The following RFX3 variants were observed in gnomAD, a reference collection of about 807,000 sequenced individuals.
RFX3 encodes transcription factor RFX3.
RFX3 carries 14 observed loss-of-function variants against 98.6 expected under a neutral mutation model. That is an observed-to-expected ratio of 0.14 (90% CI 0.09 to 0.22). The LOEUF is 0.22. Ranked by LOEUF, RFX3 falls within the 10% of genes least tolerant of loss-of-function variation. The pLI is 1.00. For missense variants in RFX3, 639 were observed against 926.9 expected (o/e 0.69, Z 4.03); for synonymous variants, 383 against 328.4 (o/e 1.17, Z -1.80).
chr9:3,437,744 C>A (rs1845273108), intron 1 of RFX3, among the ~76,000 whole-genome samples: 1 of 151,982 alleles, frequency 6.6e-6, no homozygotes, highest in Non-Finnish European at 1.5e-5. Context: ...TATTCAAGCC[C>A]AACCCTATCT....
intron 6 of RFX3, among the ~76,000 whole-genome samples, chr9:3,289,941 T>TA (rs1185060757): frequency 3.3e-5 from 5 of 151,850 alleles, no homozygotes; most frequent in Admixed American, 6.6e-5. Context: ...TAGTTCATTT[T>TA]AAAAAAAAGT....
chr9:3,329,407 CAAAAAAAAAAA>C (rs1202028884), intron 4 of RFX3, among the ~76,000 whole-genome samples: 2 of 38,166 alleles, frequency 5.2e-5, no homozygotes, highest in Non-Finnish European at 9.4e-5. Flanking sequence ...GACTTCATCT[CAAAAAAAAAAA>C]AAAAAAAAAA....
At chr9:3,457,451 C>T (rs1213981529) in intron 1 of RFX3, among the ~76,000 whole-genome samples, 1 of 152,182 alleles carries the variant, frequency 6.6e-6, no homozygotes, top group Non-Finnish European at 1.5e-5. Flanking sequence ...GTCTTCTTTA[C>T]TCAATTTGAG....
intron 1 of RFX3, among the ~76,000 whole-genome samples, chr9:3,424,977 C>G (rs534940333): frequency 1.3e-5 from 2 of 152,102 alleles, no homozygotes; most frequent in Non-Finnish European, 2.9e-5. Context: ...TACCTGTAAT[C>G]CCAGCACTTT....
chr9:3,266,526 T>A (rs1337189769), intron 11 of RFX3, among the ~76,000 whole-genome samples: 1 of 152,044 alleles, frequency 6.6e-6, no homozygotes, highest in African/African-American at 2.4e-5. Flanking sequence ...TCCCAGATAC[T>A]TATGACGCTT....
intron 1 of RFX3, among the ~76,000 whole-genome samples, chr9:3,509,672 AG>A (rs1441299984): frequency 1.3e-5 from 2 of 152,012 alleles, no homozygotes; most frequent in African/African-American, 4.8e-5. Flanking sequence ...TAGAACATTA[AG>A]GTATTTATGC....
intron 1 of RFX3, among the ~76,000 whole-genome samples, chr9:3,503,163 G>A (rs1287619704): frequency 6.6e-6 from 1 of 151,962 alleles, no homozygotes; most frequent in Non-Finnish European, 1.5e-5. Context: ...AACAGACTCT[G>A]GCCCACAGCT....
chr9:3,497,686 C>T (rs373958954), intron 1 of RFX3, among the ~76,000 whole-genome samples: 4 of 150,460 alleles, frequency 2.7e-5, no homozygotes, highest in African/African-American at 9.9e-5. Flanking sequence ...CACTGACAAA[C>T]ATCTCTACCT....
intron 15 of RFX3, among the ~76,000 whole-genome samples, chr9:3,236,757 T>C (rs946538058): frequency 6.6e-6 from 1 of 152,176 alleles, no homozygotes; most frequent in Non-Finnish European, 1.5e-5. Context: ...AGTCCACATA[T>C]GTGAAAATGT....
intron 4 of RFX3, among the ~76,000 whole-genome samples, chr9:3,326,881 T>C (rs1292850340): frequency 6.6e-6 from 1 of 152,158 alleles, no homozygotes; most frequent in African/African-American, 2.4e-5. Flanking sequence ...TGACTATGCA[T>C]TACACTTACT....
At chr9:3,525,322 T>C (rs1819155229) in intron 1 of RFX3, among the ~76,000 whole-genome samples, 1 of 152,118 alleles carries the variant, frequency 6.6e-6, no homozygotes, top group Non-Finnish European at 1.5e-5. Flanking sequence ...AACAGCAGCG[T>C]TGGAAAAGAA....
At chr9:3,504,914 A>G (rs1456148969) in intron 1 of RFX3, among the ~76,000 whole-genome samples, 1 of 68,928 alleles carries the variant, frequency 1.5e-5, no homozygotes, top group African/African-American at 8.1e-5. Flanking sequence ...ATATATATAT[A>G]ATATAACATA....
intron 4 of RFX3, among the ~76,000 whole-genome samples, chr9:3,308,931 C>T (rs376649314): frequency 2.0e-4 from 30 of 152,218 alleles, no homozygotes; most frequent in African/African-American, 6.5e-4. Context: ...AAGACACAAT[C>T]CCAGGAGTTG....
At chr9:3,481,864 TA>T (rs147275253) in intron 1 of RFX3, among the ~76,000 whole-genome samples, 3 of 151,498 alleles carry the variant, frequency 2.0e-5, no homozygotes, top group Non-Finnish European at 3.0e-5. Context: ...ATTGCCAAAA[TA>T]AAAAAAATAA....
chr9:3,398,204 T>C (rs919845729), intron 1 of RFX3, among the ~76,000 whole-genome samples: 7 of 152,160 alleles, frequency 4.6e-5, no homozygotes, highest in African/African-American at 1.4e-4. Flanking sequence ...AGAATGACAC[T>C]ATTTTTTACT....
chr9:3,405,550 T>C (rs1447431541), intron 1 of RFX3, among the ~76,000 whole-genome samples: 1 of 152,212 alleles, frequency 6.6e-6, no homozygotes, highest in Non-Finnish European at 1.5e-5. Context: ...GAATACACAG[T>C]CTGCCCTCAA....
intron 1 of RFX3, among the ~76,000 whole-genome samples, chr9:3,507,443 T>A (rs1817212928): frequency 6.6e-6 from 1 of 151,938 alleles, no homozygotes; most frequent in South Asian, 2.1e-4. Flanking sequence ...TGAAACAATC[T>A]TTTCAGGTTG....
chr9:3,432,730 G>C (rs1049312965), intron 1 of RFX3, among the ~76,000 whole-genome samples: 2 of 152,194 alleles, frequency 1.3e-5, no homozygotes, highest in South Asian at 2.1e-4. Context: ...GGAAGAAGAT[G>C]TAGAAGCAAT....
At chr9:3,451,037 A>G (rs1365497954) in intron 1 of RFX3, among the ~76,000 whole-genome samples, 1 of 152,220 alleles carries the variant, frequency 6.6e-6, no homozygotes, top group Non-Finnish European at 1.5e-5. Context: ...AGCAGGAAAT[A>G]TAAAAGGCGA....
Sources: gnomAD v4.1 joint callset for allele counts (sites outside exome capture counted in the v4.1 genomes callset) on GRCh38, gnomAD v4.1.1 for gene constraint, MANE v1.5 for transcripts, NCBI Gene and HGNC (gene_info 2026-07-23, HGNC 2026-07-21) for gene names.